PTPRK: variants seen among roughly 807,000 people sequenced by gnomAD.
PTPRK encodes receptor-type tyrosine-protein phosphatase kappa.
Under a neutral mutation model 178.0 loss-of-function variants are expected in PTPRK, and 75 were observed. That is an observed-to-expected ratio of 0.42 (90% confidence interval 0.35 to 0.51). PTPRK has a LOEUF of 0.51. PTPRK is among the 20% of genes least tolerant of loss of function. The pLI, the probability that PTPRK is intolerant of heterozygous loss-of-function variation, is 0.02. For missense variants in PTPRK, 1,441 were observed against 1,797.8 expected (o/e 0.80, Z 3.59); for synonymous variants, 637 against 620.6 (o/e 1.03, Z -0.39).
intron 3 of PTPRK, among the ~76,000 whole-genome samples, chr6:128,298,369 G>A (rs1220981478): frequency 7.3e-5 from 11 of 151,604 alleles, no homozygotes; most frequent in South Asian, 2.1e-4. Flanking sequence ...ATCCTCTGTA[G>A]CTCATTTTAT....
At chr6:128,195,833 A>T (rs1010737599) in intron 6 of PTPRK, among the ~76,000 whole-genome samples, 1 of 152,170 alleles carries the variant, frequency 6.6e-6, no homozygotes, top group Non-Finnish European at 1.5e-5. Context: ...ATATAGATCC[A>T]ACTAAGTTTT....
intron 3 of PTPRK, among the ~76,000 whole-genome samples, chr6:128,265,313 C>T (rs1337525325): frequency 6.6e-6 from 1 of 152,068 alleles, no homozygotes; most frequent in African/African-American, 2.4e-5. Flanking sequence ...ATACATTCTG[C>T]TAAGATAACT....
At chr6:128,490,002 C>T (rs779022735) in intron 1 of PTPRK, among the ~76,000 whole-genome samples, 1 of 152,138 alleles carries the variant, frequency 6.6e-6, no homozygotes, top group Non-Finnish European at 1.5e-5. Flanking sequence ...ATTTTAAGAA[C>T]TATTTTAAAA....
At chr6:128,341,761 AT>A (rs1261597889) in intron 2 of PTPRK, among the ~76,000 whole-genome samples, 1 of 152,216 alleles carries the variant, frequency 6.6e-6, no homozygotes, top group African/African-American at 2.4e-5. Context: ...TTAGTATCTC[AT>A]TTAAGTTTCA....
chr6:128,402,906 T>A (rs1167061532), intron 1 of PTPRK, among the ~76,000 whole-genome samples: 1 of 152,208 alleles, frequency 6.6e-6, no homozygotes. Context: ...GTTCTTTAAA[T>A]AATAATCACT....
At chr6:128,017,238 C>T (rs1779686644) in intron 13 of PTPRK, among the ~76,000 whole-genome samples, 1 of 151,942 alleles carries the variant, frequency 6.6e-6, no homozygotes, top group African/African-American at 2.4e-5. Context: ...TTAGTTATTC[C>T]TGATAGCATC....
intron 2 of PTPRK, among the ~76,000 whole-genome samples, chr6:128,377,127 C>A (rs190790777): frequency 6.6e-6 from 1 of 152,190 alleles, no homozygotes; most frequent in Admixed American, 6.5e-5. Flanking sequence ...CTTTTCACAG[C>A]ACCTCACTCC....
chr6:128,105,143 T>C (rs977410160), intron 7 of PTPRK, among the ~76,000 whole-genome samples: 10 of 151,768 alleles, frequency 6.6e-5, no homozygotes, highest in African/African-American at 2.4e-4. Context: ...TTTTTTTTTT[T>C]TTTCTTTTGA....
chr6:128,341,703 TTAAA>T (rs1338380120), intron 2 of PTPRK, among the ~76,000 whole-genome samples: 2 of 152,190 alleles, frequency 1.3e-5, no homozygotes, highest in African/African-American at 4.8e-5. Flanking sequence ...AAAGTGAAAA[TTAAA>T]TAACTAATTG....
chr6:128,242,425 C>A (rs1025001644), intron 4 of PTPRK, 96 bp downstream of exon 4: 1 of 1,481,058 alleles, frequency 6.8e-7, no homozygotes, highest in African/African-American at 1.4e-5. Flanking sequence ...ACAAGAGAGA[C>A]AGCAAAAACC....
chr6:128,233,549 TC>T (rs1328649688), intron 5 of PTPRK, among the ~76,000 whole-genome samples: 1 of 152,092 alleles, frequency 6.6e-6, no homozygotes, highest in African/African-American at 2.4e-5. Context: ...CAATTAGTAC[TC>T]TCAAGCCATT....
chr6:128,265,788 A>G (rs560378052), intron 3 of PTPRK, among the ~76,000 whole-genome samples: 3 of 152,272 alleles, frequency 2.0e-5, no homozygotes, highest in East Asian at 1.9e-4. Context: ...AAAAATTCAT[A>G]CATGTCATGG....
At chr6:128,271,803 C>T (rs1819864949) in intron 3 of PTPRK, among the ~76,000 whole-genome samples, 1 of 151,784 alleles carries the variant, frequency 6.6e-6, no homozygotes, top group Non-Finnish European at 1.5e-5. Flanking sequence ...GCCTTTAGCA[C>T]ATTTGACTGG....
At chr6:128,116,811 T>C (rs574291934) in intron 7 of PTPRK, among the ~76,000 whole-genome samples, 6 of 152,290 alleles carry the variant, frequency 3.9e-5, no homozygotes, top group South Asian at 2.1e-4. Flanking sequence ...AGAGACAAAA[T>C]TGTCATTACT....
intron 13 of PTPRK, among the ~76,000 whole-genome samples, chr6:128,055,142 A>C (rs1164210313): frequency 1.3e-5 from 2 of 152,228 alleles, no homozygotes; most frequent in African/African-American, 4.8e-5. Flanking sequence ...TTCATTAAAA[A>C]GTCAAATTTG....
At chr6:128,014,986 T>C (rs1031169210) in intron 13 of PTPRK, among the ~76,000 whole-genome samples, 3 of 151,668 alleles carry the variant, frequency 2.0e-5, no homozygotes, top group African/African-American at 2.4e-5. Context: ...TTAATAATGA[T>C]ATGGACGTGA....
At chr6:128,227,708 A>C (rs1456664708) in intron 5 of PTPRK, among the ~76,000 whole-genome samples, 1 of 152,200 alleles carries the variant, frequency 6.6e-6, no homozygotes, top group African/African-American at 2.4e-5. Flanking sequence ...AGTCAGAAAA[A>C]TATGTCCATA....
At chr6:128,190,254 C>T (rs1474955955) in intron 6 of PTPRK, among the ~76,000 whole-genome samples, 1 of 152,088 alleles carries the variant, frequency 6.6e-6, no homozygotes, top group African/African-American at 2.4e-5. Context: ...TGATTTCACA[C>T]TGTTATTTTT....
Position 128,344,878 on chromosome 6 carries a change from G to A in PTPRK, c.224-22568C>T, listed in dbSNP as rs1450112957. On this transcript the variant is annotated intron_variant, in intron 2 of 29. Transcript: ENST00000368226. ...CTCAGCTTTTGTTGGTACCTCTGTAGACAGAAGAAAAAATGGTGGGAAATT... is the reference window on the plus strand; with the variant it reads ...CTCAGCTTTTGTTGGTACCTCTGTAAACAGAAGAAAAAATGGTGGGAAATT... Among the ~76,000 whole-genome samples, 5 of 151,976 alleles carry A rather than the reference G, an allele frequency of 3.3e-5. No individual in the cohort carries two copies. The East Asian group carries it at 5.8e-4, about 18-fold the overall frequency.
Sources: allele counts gnomAD v4.1 joint callset (sites outside exome capture counted in the v4.1 genomes callset), GRCh38; gene constraint gnomAD v4.1.1; transcripts MANE v1.5; gene names NCBI Gene and HGNC (gene_info 2026-07-23, HGNC 2026-07-21).